The following OPN5 variants were observed in gnomAD, a reference collection of about 807,000 sequenced individuals.
OPN5 encodes opsin-5.
A neutral mutation model predicts 41.7 loss-of-function variants in OPN5; 18 were observed. That is an observed-to-expected ratio of 0.43 (90% confidence interval 0.30 to 0.64). OPN5 has a LOEUF of 0.64. Ranked by LOEUF, OPN5 falls within the 30% of genes least tolerant of loss-of-function variation. OPN5 has a pLI of 0.13. For synonymous variants in OPN5, 178 were observed against 164.3 expected (o/e 1.08, Z -0.64); for missense variants, 318 against 434.5 (o/e 0.73, Z 2.38).
At chr6:47,811,683 C>G in exon 6 of OPN5, 1 of 1,611,272 alleles carries the variant, frequency 6.2e-7, no homozygotes, top group Non-Finnish European at 8.5e-7. Flanking sequence ...GGCTGCACAC[C>G]GTAACCACAG....
At chr6:47,804,306 A>G (rs1293837654) in intron 4 of OPN5, among the ~76,000 whole-genome samples, 1 of 152,182 alleles carries the variant, frequency 6.6e-6, no homozygotes, top group Non-Finnish European at 1.5e-5. Flanking sequence ...ATAAAAGTGA[A>G]GTAATTAAAA....
chr6:47,812,649 T>A (rs1368287451), intron 6 of OPN5, among the ~76,000 whole-genome samples: 1 of 152,120 alleles, frequency 6.6e-6, no homozygotes, highest in African/African-American at 2.4e-5. Context: ...TTTCTACTCA[T>A]TGTCTATTAT....
chr6:47,817,492 T>C lies in OPN5; in HGVS notation c.1056+5761T>C, dbSNP rs1365720491. On this transcript the variant is annotated intron_variant, in intron 6 of 6. Coordinates refer to ENST00000371211, the Ensembl canonical transcript of OPN5. Reference sequence around the variant, plus strand: ...TCGTTAATGTCTGTGTATGATGTTGTTGCATATAGGGTGGTTTAAATCCTT... The same window carrying C: ...TCGTTAATGTCTGTGTATGATGTTGCTGCATATAGGGTGGTTTAAATCCTT... Among the ~76,000 whole-genome samples, 3 of 152,240 alleles carry C rather than the reference T, an allele frequency of 2.0e-5. No individual in the cohort carries two copies. In the East Asian group the frequency reaches 5.8e-4, roughly 29 times the overall value.
chr6:47,812,326 C>T (rs1385681211), intron 6 of OPN5, among the ~76,000 whole-genome samples: 2 of 152,094 alleles, frequency 1.3e-5, no homozygotes, highest in South Asian at 2.1e-4. Flanking sequence ...CAGTAATTTC[C>T]GCTGATGATA....
intron 6 of OPN5, among the ~76,000 whole-genome samples, chr6:47,813,577 G>A (rs1482049382): frequency 6.6e-6 from 1 of 152,062 alleles, no homozygotes; most frequent in African/African-American, 2.4e-5. Context: ...GACGGTGATA[G>A]GGAGACCATT....
intron 3 of OPN5, 129 bp from the exon 4 acceptor site, chr6:47,795,100 T>A: frequency 1.4e-6 from 1 of 730,368 alleles, no homozygotes; most frequent in Non-Finnish European, 2.2e-6. Flanking sequence ...CCCTCAGGCT[T>A]CAGTTATCTG....
chr6:47,823,104 G>T (rs1363344591), intron 6 of OPN5, among the ~76,000 whole-genome samples: 3 of 152,178 alleles, frequency 2.0e-5, no homozygotes, highest in African/African-American at 7.2e-5. Context: ...TCTGACTCTG[G>T]TTAGTTATGT....
In OPN5 at chr6:47,798,363, T is replaced by TATGAGC. The variant is rs1773645595; in HGVS notation, c.756+2800_756+2801insATGAGC. Among the ~76,000 whole-genome samples, 6 of 151,916 alleles carry TATGAGC rather than the reference T, an allele frequency of 3.9e-5. No individual in the cohort carries two copies. The South Asian group carries it at 1.2e-3, about 31-fold the overall frequency. The stretch of plus-strand genomic sequence containing the variant: ...TATGAGTCAATGCTTTTGAAGGTCA[T>TATGAGC]TATACATATGAGGTATAGCTCAGCA... On this transcript the variant is annotated intron_variant, in intron 4 of 6. Coordinates refer to ENST00000371211, the Ensembl canonical transcript of OPN5.
rs1489260037 is a variant in OPN5, at chr6:47,808,546, C to T, written c.998+151C>T. 10 of 829,418 alleles carry T rather than the reference C, an allele frequency of 1.2e-5. No homozygotes were observed. The East Asian group carries it at 2.6e-4, about 21-fold the overall frequency. The allele number at this position is 829,418 out of a possible 1,614,324, so 51.4% of individuals were successfully genotyped here. A position where few individuals can be genotyped will look rare whatever the true frequency, so the allele number is the denominator to read the frequency against. The stretch of plus-strand genomic sequence containing the variant: ...ACTTTATTTTCTGTTTATCAAAATT[C>T]CTGAAATCAAGTAATCAGCTATGTA... On this transcript the variant is annotated intron_variant, in intron 5 of 6. Coordinates refer to ENST00000371211, the Ensembl canonical transcript of OPN5.
At position 47,786,388 on chromosome 6, in the gene OPN5, T is replaced by C. The variant is rs1773192421; in HGVS notation, c.131-127T>C. On this transcript the variant is annotated intron_variant, in intron 1 of 6. Transcript: ENST00000371211. ...ATTTCATCTTCTTAATTTAGATTTT[T>C]TTATTTAGAGTCCTCTCACTACCCT... 11 of 680,366 alleles carry C rather than the reference T, an allele frequency of 1.6e-5. 1 individual carries two copies. In the South Asian group the frequency reaches 2.5e-4, roughly 15 times the overall value. The allele number at this position is 680,366 out of a possible 1,614,324, so 42.1% of individuals were successfully genotyped here.
intron 6 of OPN5, 79 bp from the exon 7 acceptor site, chr6:47,823,904 G>C (rs1204207303): frequency 1.0e-6 from 1 of 984,124 alleles, no homozygotes; most frequent in Non-Finnish European, 1.6e-6. Context: ...GTATGTTTAG[G>C]CTCTGAATTT....
At chr6:47,813,107 C>CAAAAAAAAAAAAA (rs748382327) in intron 6 of OPN5, among the ~76,000 whole-genome samples, 3 of 111,816 alleles carry the variant, frequency 2.7e-5, no homozygotes, top group African/African-American at 9.3e-5. Flanking sequence ...ACAACAACAA[C>CAAAAAAAAAAAAA]AACAACAAGC....
At chr6:47,795,231 G>C in exon 4 of OPN5, 2 of 1,590,470 alleles carry the variant, frequency 1.3e-6, no homozygotes, top group African/African-American at 2.7e-5. Context: ...GCCTCCAGGG[G>C]TTTGGCTGAA....
At chr6:47,795,483 G>C in exon 4 of OPN5, 5 of 1,614,124 alleles carry the variant, frequency 3.1e-6, no homozygotes, top group Non-Finnish European at 4.2e-6. Context: ...CATTGCCAAG[G>C]TTAAGTCCTC....
intron 5 of OPN5, among the ~76,000 whole-genome samples, chr6:47,811,293 T>C (rs529945271): frequency 2.6e-5 from 4 of 152,268 alleles, no homozygotes; most frequent in Admixed American, 2.0e-4. Context: ...ATTGCTATCA[T>C]AATCAAACCT....
chr6:47,810,940 G>T (rs59473670), intron 5 of OPN5, among the ~76,000 whole-genome samples: 171 of 152,290 alleles, frequency 1.1e-3, no homozygotes, highest in African/African-American at 4.0e-3. Flanking sequence ...GGCTTTGTCT[G>T]GATTGGTCTT....
At chr6:47,784,839 A>G (rs897681876) in intron 1 of OPN5, among the ~76,000 whole-genome samples, 3 of 152,234 alleles carry the variant, frequency 2.0e-5, no homozygotes, top group Admixed American at 1.3e-4. Flanking sequence ...TAAATGATAT[A>G]GGATTTGATA....
chr6:47,784,392 G>T (rs1437011904), intron 1 of OPN5, among the ~76,000 whole-genome samples: 2 of 151,984 alleles, frequency 1.3e-5, no homozygotes, highest in East Asian at 3.9e-4. Flanking sequence ...CATCTCCCAA[G>T]TTCAAGCAAT....
intron 4 of OPN5, among the ~76,000 whole-genome samples, chr6:47,796,813 G>A (rs1238625215): frequency 3.9e-5 from 6 of 152,166 alleles, no homozygotes; most frequent in Non-Finnish European, 7.4e-5. Context: ...GTTGCATATT[G>A]TATTAGTCTG....
Sources: allele counts gnomAD v4.1 joint callset (sites outside exome capture counted in the v4.1 genomes callset), GRCh38; gene constraint gnomAD v4.1.1; transcripts MANE v1.5; gene names NCBI Gene and HGNC (gene_info 2026-07-23, HGNC 2026-07-21).